Variants in KMT2D observed in about 807,000 individuals in gnomAD.
The protein encoded by KMT2D is histone-lysine N-methyltransferase 2D.
A neutral mutation model predicts 512.7 loss-of-function variants in KMT2D; 55 were observed. The observed-to-expected ratio is 0.11, with a 90% CI of 0.09 to 0.13. KMT2D has a LOEUF of 0.13. Among genes scored for constraint, KMT2D ranks in the 10% least tolerant of loss-of-function variants. The probability of loss-of-function intolerance (pLI) is 1.00; values close to 1 mark genes in which losing one functional copy is unlikely to be tolerated. For synonymous variants in KMT2D, 2,995 were observed against 2,904.0 expected, an observed-to-expected ratio of 1.03 and a Z score of -1.01; for missense variants, 6,061 against 7,127.9, an observed-to-expected ratio of 0.85 and a Z score of 5.39.
Position 49,033,521 on chromosome 12 carries a change from C to CCT in KMT2D, c.11183_11184insAG (p.Met3728IlefsTer22). On this transcript the variant is annotated frameshift_variant, in exon 40 of 55. Transcript: ENST00000301067. LOFTEE classifies it high-confidence loss of function. ...GCTGCTGCAGTTTCTGGGCCAGCTG[C>CCT]ATACGTTGCTGCTGCAGCTGCAGCT... 6.2e-7 allele frequency: 1 copy of CCT among 1,613,526 alleles called. No homozygotes were observed. Among genetic ancestry groups the CCT allele is most frequent in the Non-Finnish European group, 8.5e-7 (1 of 1,179,766 alleles).
chr12:49,048,124 G>T, intron 14 of KMT2D, 55 bp from the exon 15 acceptor site: 1 of 1,206,788 alleles, frequency 8.3e-7, no homozygotes, highest in Non-Finnish European at 1.2e-6. Context: ...ATCCCACTCA[G>T]ATCCAGTCTA....
rs377049921 is a variant in KMT2D at position 49,024,566 on chromosome 12, T to A, written c.16052+12A>T. 2 of 1,599,826 alleles carry A rather than the reference T, an allele frequency of 1.3e-6. No individual in the cohort carries two copies. The highest frequency in any genetic ancestry group is 1.7e-6 in the Non-Finnish European group (2 of 1,170,798). On this transcript the variant is annotated intron_variant, in intron 51 of 54. Coordinates refer to ENST00000301067, the MANE Select transcript of KMT2D (RefSeq NM_003482.4). The surrounding 1 kb of genome is among the most constrained non-coding windows in gnomAD (Gnocchi z 4.5). The stretch of plus-strand genomic sequence containing the variant: ...ACACCCACATCCCTTGGCTCCAGCA[T>A]CACAAGCTCACCGTTTGTAGTGTGT...
At chr12:49,048,615 A>C in intron 14 of KMT2D, 44 bp downstream of exon 14, 1 of 1,298,450 alleles carries the variant, frequency 7.7e-7, no homozygotes, top group Non-Finnish European at 1.1e-6. Context: ...CACCAAACAC[A>C]CACATACACA....
In KMT2D at chr12:49,022,759, C is replaced by T. The variant is rs2137707268; in HGVS notation, c.16169G>A (p.Arg5390Gln). 3 of 1,613,960 alleles carry T rather than the reference C, an allele frequency of 1.9e-6. No individual in the cohort carries two copies. Among genetic ancestry groups the T allele is most frequent in the African/African-American group, 1.3e-5 (1 of 75,030 alleles). The change falls in exon 52 of 55, where the codon CGG becomes CAG. Residue 5390 changes from arginine to glutamine, a missense_variant. Arg to Gln is a conservative substitution (Grantham distance 43). This residue lies in a region of KMT2D where 261 missense variants were observed against 440.7 expected (regional missense o/e 0.59). Transcript: ENST00000301067. This position sits in a 1 kb window ranked among gnomAD's most constrained non-coding sequence, Gnocchi z 8.6. ...GTTGTTCTTCCATTCGGTGCGCAGC[C>T]GCCGGTACTGAGATGACTTGGAGTG... is the stretch of plus-strand genomic sequence containing the variant. ...FVHSKSSQYR[R>Q]LRTEWKNNVY...
chr12:49,044,005 A>T lies in KMT2D; in HGVS notation c.5189-7T>A, dbSNP rs1251815307. On this transcript the variant is annotated splice_region_variant and splice_polypyrimidine_tract_variant and intron_variant, in intron 22 of 54. Transcript: ENST00000301067. The surrounding 1 kb of genome is among the most constrained non-coding windows in gnomAD (Gnocchi z 6.4). ...GGCAGGTCAGCAGGTATCACTGTGG[A>T]CAGAACGGAAGTGTCAGACTCGGGT... The T allele has an allele frequency of 6.2e-7, 1 of 1,613,902 alleles. No homozygotes were observed. The highest frequency in any genetic ancestry group is 8.5e-7 in the Non-Finnish European group (1 of 1,179,862).
At position 49,024,924 on chromosome 12, in the gene KMT2D, C is replaced by T. The variant is rs370977938; in HGVS notation, c.15807G>A (p.Glu5269=). The change falls in exon 50 of 55, where the codon GAG becomes GAA. Residue 5269 remains glutamate, a synonymous_variant. Transcript: ENST00000301067. This position sits in a 1 kb window ranked among gnomAD's most constrained non-coding sequence, Gnocchi z 4.5. ...SPQAVWNRII[E]PVAAMRKEAD... ...CCTCTTTTCTCATGGCAGCCACAGG[C>T]TCAATGATGCGATTCCACACGGCTA... The T allele has an allele frequency of 2.5e-6, 4 of 1,596,274 alleles. No individual in the cohort carries two copies. Among genetic ancestry groups the T allele is most frequent in the Non-Finnish European group, 3.4e-6 (4 of 1,171,444 alleles).
In KMT2D at chr12:49,032,058, G is replaced by A; in HGVS notation, c.12647C>T (p.Pro4216Leu). The A allele has an allele frequency of 6.2e-7, 1 of 1,612,798 alleles. No homozygotes were observed. The highest frequency in any genetic ancestry group is 1.3e-5 in the African/African-American group (1 of 75,034). ...AKNPQLRHLSPQQQQQLQALL... is the reference protein window; with the variant it reads ...AKNPQLRHLSLQQQQQLQALL... ...TGCCTGTAGCTGCTGCTGCTGCTGA[G>A]GACTTAAGTGCCGCAGCTGTGGGTT... is the stretch of plus-strand genomic sequence containing the variant. Residue 4216 changes from proline to leucine, a missense_variant, in exon 40 of 55, where the codon CCT becomes CTT. Coordinates refer to ENST00000301067, the MANE Select transcript of KMT2D (RefSeq NM_003482.4).
Position 49,046,915 on chromosome 12 carries a change from G to A in KMT2D, c.4237-125C>T, listed in dbSNP as rs921312181. The A allele has an allele frequency of 2.7e-5, 21 of 784,940 alleles. No individual in the cohort carries two copies. The highest frequency in any genetic ancestry group is 1.4e-4 in the Admixed American group (5 of 36,642). The allele number at this position is 784,940 out of a possible 1,614,324, so 48.6% of individuals were successfully genotyped here. On this transcript the variant is annotated intron_variant, in intron 15 of 54. Transcript: ENST00000301067. This position sits in a 1 kb window ranked among gnomAD's most constrained non-coding sequence, Gnocchi z 4.2. ...GGCTGGAGTGCAATGGCGCGATCTC[G>A]GCTCACTGCAACCTCTGCCTCTCAG... is the stretch of plus-strand genomic sequence containing the variant.
At chr12:49,034,336 G>A (rs768916197) in intron 38 of KMT2D, 37 bp from the exon 39 acceptor site, 7 of 1,610,502 alleles carry the variant, frequency 4.3e-6, no homozygotes, top group Non-Finnish European at 5.9e-6. Flanking sequence ...CCTGCAAAAG[G>A]GTAATCCCAA....
rs371670953 is a variant in KMT2D at position 49,038,098 on chromosome 12, C to T, written c.9258G>A (p.Leu3086=). 17 of 1,613,880 alleles carry T rather than the reference C, an allele frequency of 1.1e-5. No homozygotes were observed. The highest frequency in any genetic ancestry group is 2.2e-5 in the East Asian group (1 of 44,890). ...ANEKAEREAL[L]RGVEPGPLGP... is the part of the protein sequence containing the mutation. The stretch of plus-strand genomic sequence containing the variant: ...CCAAGGGTCCTGGCTCCACCCCCCG[C>T]AGCAGGGCCTCCCGTTCAGCCTTCT... The change falls in exon 35 of 55, where the codon CTG becomes CTA. Residue 3086 remains leucine (L), a synonymous_variant. Coordinates refer to ENST00000301067, the MANE Select transcript of KMT2D (RefSeq NM_003482.4). This position sits in a 1 kb window ranked among gnomAD's most constrained non-coding sequence, Gnocchi z 5.7.
rs2137706721 is a variant in KMT2D at position 49,022,680 on chromosome 12, G to A, written c.16248C>T (p.Asp5416=). Reference sequence around the variant, plus strand: ...CGATAACCATTGTGTGCTTTTCTAGGTCCTTGGCTGCATAGAGCCCCAGGC... The same window carrying A: ...CGATAACCATTGTGTGCTTTTCTAGATCCTTGGCTGCATAGAGCCCCAGGC... ...IQGLGLYAAK[D]LEKHTMVIEY... is the part of the protein sequence containing the mutation. The change falls in exon 52 of 55, where the codon GAC becomes GAT. Residue 5416 remains aspartate, a synonymous_variant. Transcript: ENST00000301067. This position sits in a 1 kb window ranked among gnomAD's most constrained non-coding sequence, Gnocchi z 8.6. The A allele has an allele frequency of 6.2e-7, 1 of 1,613,966 alleles. No individual in the cohort carries two copies. The highest frequency in any genetic ancestry group is 8.5e-7 in the Non-Finnish European group (1 of 1,179,890).
Position 49,037,290 on chromosome 12 carries a change from T to C in KMT2D, c.10066A>G (p.Met3356Val), listed in dbSNP as rs2120476853. ...TGCCCTCCATGCTGCCCACTTAGCA[T>C]ATGCCCTTGATTGGACACCATAGCC... ...SMAMVSNQGH[M>V]LSGQHGGQAG... is the part of the protein sequence containing the mutation. Residue 3356 changes from methionine (M) to valine (V), a missense_variant, in exon 35 of 55, where the codon ATG becomes GTG. Met to Val is a conservative substitution (Grantham distance 21). This residue lies in a region of KMT2D where 533 missense variants were observed against 539.6 expected (regional missense o/e 0.99). Coordinates refer to ENST00000301067, the MANE Select transcript of KMT2D (RefSeq NM_003482.4). 6.2e-7 allele frequency: 1 copy of C among 1,613,672 alleles called. No homozygotes were observed. Among genetic ancestry groups the C allele is most frequent in the Non-Finnish European group, 8.5e-7 (1 of 1,179,842 alleles).
chr12:49,052,589 G>A lies in KMT2D; in HGVS notation c.1233C>T (p.Pro411=), dbSNP rs1478025825. The A allele has an allele frequency of 5.0e-6, 8 of 1,613,292 alleles. No individual in the cohort carries two copies. The highest frequency in any genetic ancestry group is 1.3e-5 in the African/African-American group (1 of 74,894). ...CTAGTGGTTTGGCTTCACATTGCAG[G>A]GGCCCTGGTTCCTTGGGTTGCATAG... ...VTSMQPKEPG[P]LQCEAKPLGK... The change falls in exon 10 of 55, where the codon CCC becomes CCT. Residue 411 remains proline, a synonymous_variant. Coordinates refer to ENST00000301067, the MANE Select transcript of KMT2D (RefSeq NM_003482.4).
At chr12:49,029,800 G>A (rs1241217156) in intron 43 of KMT2D, among the ~76,000 whole-genome samples, 1 of 151,452 alleles carries the variant, frequency 6.6e-6, no homozygotes, top group Non-Finnish European at 1.5e-5. Flanking sequence ...ACAGGCATAA[G>A]CTACCAGGCC....
At position 49,032,132 on chromosome 12, in the gene KMT2D, C is replaced by A. The variant is rs2120428587; in HGVS notation, c.12573G>T (p.Met4191Ile). The change falls in exon 40 of 55, where the codon ATG becomes ATT. Residue 4191 changes from methionine to isoleucine, a missense_variant. Transcript: ENST00000301067. Reference protein sequence around the residue: ...SGQGLPGVGIMPTVGQLRAQL... With the variant: ...SGQGLPGVGIIPTVGQLRAQL... ...GTGCTCGAAGCTGACCCACCGTAGG[C>A]ATGATTCCAACCCCAGGCAGACCCT... 6.2e-7 allele frequency: 1 copy of A among 1,613,854 alleles called. No individual in the cohort carries two copies. The highest frequency in any genetic ancestry group is 8.5e-7 in the Non-Finnish European group (1 of 1,179,814).
rs2120433491 is a variant in KMT2D at position 49,032,673 on chromosome 12, C to A, written c.12032G>T (p.Ser4011Ile). 1 of 1,613,870 alleles carries A rather than the reference C, an allele frequency of 6.2e-7. No individual in the cohort carries two copies. Among genetic ancestry groups the A allele is most frequent in the Non-Finnish European group, 8.5e-7 (1 of 1,179,854 alleles). Residue 4011 changes from serine (S) to isoleucine (I), a missense_variant, in exon 40 of 55, where the codon AGC (serine) becomes ATC (isoleucine). Around this residue, in one of 16 missense-constraint regions of KMT2D, gnomAD observed 1,600 missense variants for 1,754.9 expected, o/e 0.91. Transcript: ENST00000301067. ...MPAKPLQHFS[S>I]PGALGPTLLL... ...GAGGGTTGGACCCAGGGCTCCAGGG[C>A]TAGAAAAGTGTTGAAGAGGCTTTGC... is the stretch of plus-strand genomic sequence containing the variant.
intron 35 of KMT2D, 105 bp from the exon 36 acceptor site, chr12:49,035,040 T>C (rs1022507324): frequency 2.1e-6 from 3 of 1,404,190 alleles, no homozygotes; most frequent in Non-Finnish European, 2.9e-6. Context: ...GGCAGAACAA[T>C]GGCACGGCAA....
At position 49,032,498 on chromosome 12, in the gene KMT2D, G is replaced by A. The variant is rs769269174; in HGVS notation, c.12207C>T (p.Leu4069=). The part of the protein sequence containing the change: ...ATEPGEVKPS[L]SGDSQLLLVQ... ...CAAGCAGGAGTTGTGAGTCCCCAGA[G>A]AGTGAGGGCTTTACCTCTCCTGGTT... Residue 4069 remains leucine, a synonymous_variant, in exon 40 of 55, where the codon CTC becomes CTT. Coordinates refer to ENST00000301067, the MANE Select transcript of KMT2D (RefSeq NM_003482.4). The A allele has an allele frequency of 8.9e-5, 140 of 1,575,508 alleles. 1 individual carries two copies. Among genetic ancestry groups the A allele is most frequent in the Non-Finnish European group, 1.2e-4 (137 of 1,160,402 alleles).
chr12:49,030,092 A>G (rs1942821969), intron 43 of KMT2D, among the ~76,000 whole-genome samples, 188 bp downstream of exon 43: 1 of 152,186 alleles, frequency 6.6e-6, no homozygotes, highest in Non-Finnish European at 1.5e-5. Context: ...CATTTGCTCT[A>G]GACTCCAAAT....
Sources: gnomAD v4.1 joint callset for allele counts (sites outside exome capture counted in the v4.1 genomes callset) on GRCh38, gnomAD v4.1.1 for gene constraint, gnomAD v4.1.1 regional missense constraint, Gnocchi (gnomAD v3.1) non-coding constraint, MANE v1.5 for transcripts, NCBI Gene and HGNC (gene_info 2026-07-23, HGNC 2026-07-21) for gene names.